The following CMIP variants were observed in gnomAD, a reference collection of about 807,000 sequenced individuals.
CMIP encodes the protein C-Maf-inducing protein.
In CMIP, 13 loss-of-function variants were observed where a neutral mutation model predicts 97.3. The observed-to-expected ratio is 0.13, with a 90% CI of 0.09 to 0.21. The LOEUF (loss-of-function observed/expected upper bound fraction) is 0.21. CMIP is among the 10% of genes least tolerant of loss of function. The pLI, the probability that CMIP is intolerant of heterozygous loss-of-function variation, is 1.00. For missense variants in CMIP, 847 were observed against 1,024.9 expected (o/e 0.83, Z 2.37); for synonymous variants, 538 against 436.3 (o/e 1.23, Z -2.91).
At chr16:81,691,912 T>TGG in intron 11 of CMIP, 72 bp downstream of exon 11, 1 of 1,315,692 alleles carries the variant, frequency 7.6e-7, no homozygotes, top group Non-Finnish European at 1.1e-6. Context: ...AAGGCCTTAG[T>TGG]GGGGGGCCAG....
At chr16:81,639,698 G>A (rs2092280720) in intron 3 of CMIP, among the ~76,000 whole-genome samples, 1 of 152,194 alleles carries the variant, frequency 6.6e-6, no homozygotes, top group African/African-American at 2.4e-5. Flanking sequence ...GAATGACGCT[G>A]CTGTGAACAT....
At chr16:81,640,407 G>A (rs2092290519) in intron 3 of CMIP, among the ~76,000 whole-genome samples, 1 of 152,008 alleles carries the variant, frequency 6.6e-6, no homozygotes, top group Admixed American at 6.5e-5. Flanking sequence ...GGGCTGGACG[G>A]CTCAGCTCGA....
chr16:81,473,254 C>A (rs975100144), intron 1 of CMIP, among the ~76,000 whole-genome samples: 1 of 152,154 alleles, frequency 6.6e-6, no homozygotes, highest in Admixed American at 6.5e-5. Flanking sequence ...TGTCTTCCTT[C>A]GTGTTTGCCG....
chr16:81,552,623 C>T (rs185339790), intron 1 of CMIP, among the ~76,000 whole-genome samples: 1 of 152,142 alleles, frequency 6.6e-6, no homozygotes, highest in Admixed American at 6.5e-5. Flanking sequence ...GGGACCAACT[C>T]GACAATCTGG....
intron 1 of CMIP, among the ~76,000 whole-genome samples, chr16:81,571,404 G>C (rs1292154220): frequency 6.6e-6 from 1 of 151,974 alleles, no homozygotes; most frequent in African/African-American, 2.4e-5. Flanking sequence ...GGAATTTGAG[G>C]CTGCAGCGAG....
chr16:81,703,792 G>T, intron 17 of CMIP, 147 bp from the exon 18 acceptor site: 5 of 1,112,248 alleles, frequency 4.5e-6, no homozygotes, highest in Non-Finnish European at 6.2e-6. Context: ...ACCGAGCTGT[G>T]CCCCCATCTC....
chr16:81,689,137 T>C lies in CMIP; in HGVS notation c.1389-2638T>C, dbSNP rs1239936732. 3.9e-5 allele frequency among the ~76,000 whole-genome samples: 6 copies of C among 152,352 alleles called. No individual in the cohort carries two copies. The South Asian group carries it at 1.0e-3, about 26-fold the overall frequency. On this transcript the variant is annotated intron_variant, in intron 10 of 20. Transcript: ENST00000537098. ...CAATATACATGTGCATGTGTCTTTA[T>C]AGCAGCGTGATTTATAATCCTTTGG...
At chr16:81,582,848 G>A (rs757152413) in intron 1 of CMIP, among the ~76,000 whole-genome samples, 4 of 152,248 alleles carry the variant, frequency 2.6e-5, no homozygotes, top group South Asian at 2.1e-4. Context: ...GGGGTAAAAC[G>A]AAAATGACAG....
rs1190610785 is a variant in CMIP at position 81,710,549 on chromosome 16, AAG to A, written c.*752_*753del. The A allele has an allele frequency of 2.0e-5, 3 of 152,230 alleles. No homozygotes were observed. In the East Asian group the frequency reaches 5.8e-4, roughly 29 times the overall value. The allele number at this position is 152,230 out of a possible 1,614,324, so 9.4% of individuals were successfully genotyped here. A position where few individuals can be genotyped will look rare whatever the true frequency, so the allele number is the denominator to read the frequency against. On this transcript the variant is annotated 3_prime_UTR_variant, in exon 21 of 21. Transcript: ENST00000537098. Reference sequence around the variant, plus strand: ...AGACAACAAAAAGAAGAAAAAAAAAAAGAACCTCCTTGGAAAAATTAATTGCT... The same window carrying A: ...AGACAACAAAAAGAAGAAAAAAAAAAAACCTCCTTGGAAAAATTAATTGCT...
rs568406584 is a variant in CMIP at position 81,459,246 on chromosome 16, G to A, written c.300+13705G>A. ...TGTCTGTTGCATGGTGGGGGACCTTGGCATCCAGGCTGTGAAGGGACAGGA... is the reference window on the plus strand; with the variant it reads ...TGTCTGTTGCATGGTGGGGGACCTTAGCATCCAGGCTGTGAAGGGACAGGA... On this transcript the variant is annotated intron_variant, in intron 1 of 20. Transcript: ENST00000537098. Among the ~76,000 whole-genome samples, 12 of 152,298 alleles carry A rather than the reference G, an allele frequency of 7.9e-5. No individual in the cohort carries two copies. In the East Asian group the frequency reaches 2.3e-3, roughly 29 times the overall value.
At chr16:81,635,644 A>G (rs1179497580) in intron 3 of CMIP, among the ~76,000 whole-genome samples, 3 of 152,186 alleles carry the variant, frequency 2.0e-5, no homozygotes, top group African/African-American at 4.8e-5. Context: ...CCAGACAAAT[A>G]TATATTTGTA....
At chr16:81,563,838 C>A (rs2090931145) in intron 1 of CMIP, among the ~76,000 whole-genome samples, 1 of 152,232 alleles carries the variant, frequency 6.6e-6, no homozygotes, top group South Asian at 2.1e-4. Flanking sequence ...AGGGTCAGCA[C>A]TGTCGGGGCC....
At position 81,627,673 on chromosome 16, in the gene CMIP, T is replaced by A. The variant is rs2092092869; in HGVS notation, c.477+6747T>A. Reference sequence around the variant, plus strand: ...TGAGTCCGGAAACAGTTCTGTGGGGTCCACATCCCTCCCCCATCTCATAGC... The same window carrying A: ...TGAGTCCGGAAACAGTTCTGTGGGGACCACATCCCTCCCCCATCTCATAGC... On this transcript the variant is annotated intron_variant, in intron 3 of 20. Coordinates refer to ENST00000537098, the MANE Select transcript of CMIP (RefSeq NM_198390.3). This position sits in a 1 kb window ranked among gnomAD's most constrained non-coding sequence, Gnocchi z 4.6. 1.3e-5 allele frequency among the ~76,000 whole-genome samples: 2 copies of A among 151,860 alleles called. No homozygotes were observed. The highest frequency in any genetic ancestry group is 2.9e-5 in the Non-Finnish European group (2 of 67,974).
Position 81,621,013 on chromosome 16 carries a change from G to C in CMIP, c.477+87G>C, listed in dbSNP as rs895288975. 4 of 1,537,170 alleles carry C rather than the reference G, an allele frequency of 2.6e-6. No individual in the cohort carries two copies. The South Asian group carries it at 4.6e-5, about 18-fold the overall frequency. The stretch of plus-strand genomic sequence containing the variant: ...CAATCTGTCACCCAGAGGCATGAAA[G>C]TGGAGAACTCATGCCTTCCAGATGG... On this transcript the variant is annotated intron_variant, in intron 3 of 20. Transcript: ENST00000537098. The surrounding 1 kb of genome is among the most constrained non-coding windows in gnomAD (Gnocchi z 4.1).
chr16:81,522,924 A>G (rs931679916), intron 1 of CMIP, among the ~76,000 whole-genome samples: 2 of 152,020 alleles, frequency 1.3e-5, no homozygotes, highest in Non-Finnish European at 2.9e-5. Flanking sequence ...TTCTTTGTAT[A>G]TGGTTTTTTT....
chr16:81,676,476 C>T (rs1316479599), intron 9 of CMIP, among the ~76,000 whole-genome samples: 1 of 152,108 alleles, frequency 6.6e-6, no homozygotes, highest in Non-Finnish European at 1.5e-5. Context: ...GCCAAACAGC[C>T]TTGAAAATCC....
At position 81,694,782 on chromosome 16, in the gene CMIP, C is replaced by T. The variant is rs535741412; in HGVS notation, c.1530+1295C>T. ...TGGTCTCCAGGCCACACTGAAAAAC[C>T]GAGTTCTGGAGGGATCTTGAAGACT... is the stretch of plus-strand genomic sequence containing the variant. On this transcript the variant is annotated intron_variant, in intron 13 of 20. Coordinates refer to ENST00000537098, the MANE Select transcript of CMIP (RefSeq NM_198390.3). Among the ~76,000 whole-genome samples the T allele has an allele frequency of 6.4e-4, 98 of 152,270 alleles. No homozygotes were observed. In the Middle Eastern group the frequency reaches 0.014, roughly 21 times the overall value.
chr16:81,703,026 C>A (rs753573394), intron 17 of CMIP, among the ~76,000 whole-genome samples: 3 of 152,106 alleles, frequency 2.0e-5, no homozygotes, highest in Non-Finnish European at 4.4e-5. Flanking sequence ...GTGTATCTTA[C>A]CATTCGCATT....
At chr16:81,571,751 C>T (rs993255006) in intron 1 of CMIP, among the ~76,000 whole-genome samples, 3 of 152,164 alleles carry the variant, frequency 2.0e-5, no homozygotes, top group African/African-American at 7.2e-5. Flanking sequence ...TGCGTGTGTC[C>T]CATTCAGCAC....
Sources: gnomAD v4.1 joint callset for allele counts (sites outside exome capture counted in the v4.1 genomes callset) on GRCh38, gnomAD v4.1.1 for gene constraint, Gnocchi (gnomAD v3.1) non-coding constraint, MANE v1.5 for transcripts, NCBI Gene and HGNC (gene_info 2026-07-23, HGNC 2026-07-21) for gene names.